The following CTXND1 variants were observed in gnomAD, a reference collection of about 807,000 sequenced individuals.
CTXND1 encodes cortexin domain-containing 1 protein.
intron 1 of CTXND1, among the ~76,000 whole-genome samples, chr15:80,250,993 A>G (rs1254082956): frequency 6.6e-6 from 1 of 152,224 alleles, no homozygotes; most frequent in African/African-American, 2.4e-5. Context: ...ATTGTATCAC[A>G]GTGTTAATCC....
At chr15:80,244,541 CAG>C (rs1405971102) in intron 1 of CTXND1, among the ~76,000 whole-genome samples, 1 of 152,158 alleles carries the variant, frequency 6.6e-6, no homozygotes, top group Admixed American at 6.5e-5. Context: ...GAAGATCAGG[CAG>C]AGTTTCCTTT....
chr15:80,215,427 A>T (rs1182415870), intron 1 of CTXND1, among the ~76,000 whole-genome samples: 1 of 152,150 alleles, frequency 6.6e-6, no homozygotes, highest in Non-Finnish European at 1.5e-5. Context: ...ATGACCAAAG[A>T]GCCGGTTTAT....
intron 2 of CTXND1, 68 bp downstream of exon 2, chr15:80,203,521 A>G (rs999965200): frequency 6.6e-6 from 1 of 151,908 alleles, no homozygotes; most frequent in Non-Finnish European, 1.5e-5. Context: ...ATCTGTAACC[A>G]CAGTCAACCA....
intron 1 of CTXND1, among the ~76,000 whole-genome samples, chr15:80,241,554 T>C (rs1893567292): frequency 6.6e-6 from 1 of 152,204 alleles, no homozygotes; most frequent in African/African-American, 2.4e-5. Flanking sequence ...GGGCTTCAGC[T>C]GCCATGAGGG....
chr15:80,223,282 C>A (rs927456821), intron 1 of CTXND1, among the ~76,000 whole-genome samples: 6 of 152,132 alleles, frequency 3.9e-5, no homozygotes, highest in Admixed American at 1.3e-4. Context: ...GTCTTGAACT[C>A]CCGACCTCAG....
At chr15:80,221,894 A>C (rs1201840289) in intron 1 of CTXND1, among the ~76,000 whole-genome samples, 1 of 152,328 alleles carries the variant, frequency 6.6e-6, no homozygotes, top group East Asian at 1.9e-4. Flanking sequence ...AAAATTATTA[A>C]ATAGCTAGAA....
At position 80,199,982 on chromosome 15, in the gene CTXND1, T is replaced by G. The variant is rs1308862049; in HGVS notation, c.*1788A>C. ...GGAAGGGGAGCTCAGGTGCTCTCAT[T>G]TAACTTCGTACCATGTTATGGGAAA... On this transcript the variant is annotated 3_prime_UTR_variant, in exon 3 of 3. Transcript: ENST00000560778. 6.6e-6 allele frequency: 1 copy of G among 152,230 alleles called. No homozygotes were observed. The highest frequency in any genetic ancestry group is 1.5e-5 in the Non-Finnish European group (1 of 68,078). The allele number at this position is 152,230 out of a possible 1,614,324, so 9.4% of individuals were successfully genotyped here.
intron 1 of CTXND1, among the ~76,000 whole-genome samples, chr15:80,251,411 C>T (rs1893695260): frequency 1.3e-5 from 2 of 152,304 alleles, no homozygotes; most frequent in South Asian, 4.1e-4. Flanking sequence ...TTTAGAAAGG[C>T]TGCCACCAGC....
intron 1 of CTXND1, among the ~76,000 whole-genome samples, chr15:80,219,573 G>A (rs1194985356): frequency 6.6e-6 from 1 of 152,132 alleles, no homozygotes; most frequent in Non-Finnish European, 1.5e-5. Context: ...TGTAGAATAG[G>A]CATATCTCTA....
intron 1 of CTXND1, among the ~76,000 whole-genome samples, chr15:80,234,155 CAAAG>C (rs1472621290): frequency 1.3e-5 from 2 of 152,152 alleles, no homozygotes; most frequent in Non-Finnish European, 2.9e-5. Flanking sequence ...AATAAGAAAA[CAAAG>C]AAAGCCCAGC....
chr15:80,223,836 C>T (rs891343123), intron 1 of CTXND1, among the ~76,000 whole-genome samples: 1 of 148,590 alleles, frequency 6.7e-6, no homozygotes, highest in Non-Finnish European at 1.5e-5. Flanking sequence ...ATACCCAAAA[C>T]AAAAAAGCAA....
At chr15:80,214,313 T>C (rs756671444) in intron 1 of CTXND1, among the ~76,000 whole-genome samples, 4 of 152,190 alleles carry the variant, frequency 2.6e-5, no homozygotes, top group Non-Finnish European at 5.9e-5. Context: ...ATTCAAAATT[T>C]GAATAATACA....
At chr15:80,240,799 G>A (rs1319135860) in intron 1 of CTXND1, among the ~76,000 whole-genome samples, 1 of 152,228 alleles carries the variant, frequency 6.6e-6, no homozygotes, top group Non-Finnish European at 1.5e-5. Flanking sequence ...TTAAGTAGCT[G>A]TTAATGAGGG....
Position 80,201,572 on chromosome 15 carries a change from G to C in CTXND1, c.*198C>G, listed in dbSNP as rs1034244930. 2.6e-6 allele frequency: 1 copy of C among 387,780 alleles called. No individual in the cohort carries two copies. Among genetic ancestry groups the C allele is most frequent in the East Asian group, 3.7e-5 (1 of 27,358 alleles). The allele number at this position is 387,780 out of a possible 1,614,324, so 24.0% of individuals were successfully genotyped here. ...TTTCCCCTGGCTGGTCCATGGTTGC[G>C]ACACCCACGGCACCCGGGCATTCCA... On this transcript the variant is annotated 3_prime_UTR_variant, in exon 3 of 3. Coordinates refer to ENST00000560778, the MANE Select transcript of CTXND1 (RefSeq NM_001352888.2).
intron 1 of CTXND1, among the ~76,000 whole-genome samples, 181 bp downstream of exon 1, chr15:80,251,826 T>A (rs1241070981): frequency 6.6e-6 from 1 of 151,874 alleles, no homozygotes; most frequent in Non-Finnish European, 1.5e-5. Flanking sequence ...GAGGAGGGGA[T>A]CGGTCCCAGT....
intron 1 of CTXND1, among the ~76,000 whole-genome samples, chr15:80,244,599 C>T (rs1005809042): frequency 6.6e-6 from 1 of 152,150 alleles, no homozygotes; most frequent in Non-Finnish European, 1.5e-5. Context: ...AGGGTGAACC[C>T]GTCAGCAAGG....
intron 1 of CTXND1, among the ~76,000 whole-genome samples, chr15:80,238,509 G>C (rs1486958592): frequency 7.4e-5 from 11 of 149,132 alleles, no homozygotes; most frequent in Admixed American, 7.3e-4. Context: ...TTTTGAGACG[G>C]AGTCTTGCTC....
At chr15:80,236,510 C>T (rs1397803051) in intron 1 of CTXND1, among the ~76,000 whole-genome samples, 2 of 152,130 alleles carry the variant, frequency 1.3e-5, no homozygotes, top group Non-Finnish European at 1.5e-5. Flanking sequence ...GAGCCAGGTG[C>T]GGTGGCTCAC....
intron 1 of CTXND1, among the ~76,000 whole-genome samples, chr15:80,250,368 T>C (rs1010470870): frequency 1.3e-5 from 2 of 152,216 alleles, no homozygotes; most frequent in Non-Finnish European, 2.9e-5. Context: ...GTTCATATTA[T>C]TTTTTAAACA....
Sources: allele counts gnomAD v4.1 joint callset (sites outside exome capture counted in the v4.1 genomes callset), GRCh38; gene constraint gnomAD v4.1.1; transcripts MANE v1.5; gene names NCBI Gene and HGNC (gene_info 2026-07-23, HGNC 2026-07-21).